The following STAG1 variants were observed in gnomAD, a reference collection of about 807,000 sequenced individuals.
STAG1 encodes STAG1 cohesin complex component.
In STAG1, 26 loss-of-function variants were observed where a neutral mutation model predicts 170.9. The ratio of observed to expected loss-of-function variants is 0.15; its 90% confidence interval spans 0.11 to 0.21. The LOEUF (loss-of-function observed/expected upper bound fraction) is 0.21. STAG1 is among the 10% of genes least tolerant of loss of function. STAG1 has a pLI of 1.00. For missense variants in STAG1, 964 were observed against 1,509.5 expected (o/e 0.64, Z 5.99); for synonymous variants, 514 against 497.7 (o/e 1.03, Z -0.44).
chr3:136,440,744 C>T (rs1285666543), intron 15 of STAG1, among the ~76,000 whole-genome samples: 3 of 152,002 alleles, frequency 2.0e-5, no homozygotes, highest in African/African-American at 2.4e-5. Context: ...AATCTCAGCA[C>T]TTTGGGAGGG....
chr3:136,344,860 C>T (rs1192650436), intron 29 of STAG1, among the ~76,000 whole-genome samples: 1 of 151,678 alleles, frequency 6.6e-6, no homozygotes, highest in African/African-American at 2.4e-5. Flanking sequence ...GTGATCCGCC[C>T]ACCTCGGCCT....
At chr3:136,672,799 C>A (rs899033544) in intron 1 of STAG1, among the ~76,000 whole-genome samples, 1 of 152,082 alleles carries the variant, frequency 6.6e-6, no homozygotes. Context: ...AGGTAAAGTT[C>A]ATATTTTAAA....
intron 27 of STAG1, 29 bp downstream of exon 27, chr3:136,359,105 AAGTAAATCAGATTC>A: frequency 6.7e-7 from 1 of 1,503,354 alleles, no homozygotes; most frequent in Non-Finnish European, 9.0e-7. Flanking sequence ...ATTAAAATTC[AAGTAAATCAGATTC>A]TGCATAACAA....
At chr3:136,624,770 C>A (rs2107832793) in intron 2 of STAG1, among the ~76,000 whole-genome samples, 1 of 152,066 alleles carries the variant, frequency 6.6e-6, no homozygotes, top group East Asian at 1.9e-4. Context: ...CATATTCCTA[C>A]CATAGCCAAT....
At chr3:136,722,962 G>A (rs1231502714) in intron 1 of STAG1, among the ~76,000 whole-genome samples, 5 of 152,212 alleles carry the variant, frequency 3.3e-5, no homozygotes, top group South Asian at 2.1e-4. Flanking sequence ...CCGAGGTGCC[G>A]GGATTGCAGA....
At chr3:136,635,542 G>A (rs760069083) in intron 1 of STAG1, among the ~76,000 whole-genome samples, 6 of 152,122 alleles carry the variant, frequency 3.9e-5, no homozygotes, top group South Asian at 2.1e-4. Flanking sequence ...AAGCTTTTCC[G>A]GTTAAACCAG....
intron 1 of STAG1, among the ~76,000 whole-genome samples, chr3:136,740,205 T>C (rs1934589460): frequency 6.6e-6 from 1 of 152,092 alleles, no homozygotes; most frequent in South Asian, 2.1e-4. Context: ...ATCACACCAC[T>C]GCACTCCAGC....
chr3:136,562,266 CTTTTTT>C (rs879284648), intron 5 of STAG1, among the ~76,000 whole-genome samples: 4 of 137,082 alleles, frequency 2.9e-5, no homozygotes, highest in African/African-American at 1.1e-4. Context: ...ATTTCTTTTT[CTTTTTT>C]TTTTTTAGAC....
intron 1 of STAG1, among the ~76,000 whole-genome samples, chr3:136,678,676 T>C (rs923480520): frequency 6.6e-6 from 1 of 151,666 alleles, no homozygotes; most frequent in African/African-American, 2.4e-5. Context: ...AACTAATGCT[T>C]TTAACACACA....
chr3:136,458,233 T>G (rs1388231028), intron 13 of STAG1, among the ~76,000 whole-genome samples: 1 of 152,196 alleles, frequency 6.6e-6, no homozygotes, highest in Non-Finnish European at 1.5e-5. Context: ...CTGAGCTCAC[T>G]GCAACCTCTG....
intron 3 of STAG1, among the ~76,000 whole-genome samples, chr3:136,618,386 C>A (rs1455630398): frequency 1.3e-5 from 2 of 152,242 alleles, no homozygotes. Context: ...ACCATTGTTC[C>A]ATCTGTAAGG....
intron 6 of STAG1, among the ~76,000 whole-genome samples, chr3:136,525,735 T>C (rs951383643): frequency 6.6e-6 from 1 of 152,240 alleles, no homozygotes; most frequent in Non-Finnish European, 1.5e-5. Flanking sequence ...GGGCATTTAG[T>C]GCTATAAATT....
At chr3:136,409,717 A>G (rs2087573936) in intron 21 of STAG1, among the ~76,000 whole-genome samples, 1 of 152,164 alleles carries the variant, frequency 6.6e-6, no homozygotes, top group Non-Finnish European at 1.5e-5. Flanking sequence ...ATGATGATGT[A>G]TTAAATACTA....
chr3:136,407,305 G>A (rs995344338), intron 21 of STAG1, among the ~76,000 whole-genome samples: 24 of 152,112 alleles, frequency 1.6e-4, no homozygotes, highest in Admixed American at 4.6e-4. Context: ...GATTACAGGC[G>A]TAAGCCACTG....
chr3:136,403,321 C>T (rs1021908861), intron 21 of STAG1, among the ~76,000 whole-genome samples: 28 of 146,252 alleles, frequency 1.9e-4, no homozygotes, highest in African/African-American at 4.8e-4. Flanking sequence ...ATAAGTGGTG[C>T]GCTGCCTTTG....
At chr3:136,637,624 T>C (rs973797826) in intron 1 of STAG1, among the ~76,000 whole-genome samples, 10 of 152,194 alleles carry the variant, frequency 6.6e-5, no homozygotes, top group Admixed American at 2.0e-4. Context: ...TGAGTTCTCA[T>C]ACCACGTATT....
At chr3:136,728,091 G>A (rs769285172) in intron 1 of STAG1, among the ~76,000 whole-genome samples, 3 of 152,016 alleles carry the variant, frequency 2.0e-5, no homozygotes, top group Non-Finnish European at 2.9e-5. Context: ...CCTGGGAGGC[G>A]GAGGTTGCAG....
chr3:136,435,904 G>A (rs543758158), intron 15 of STAG1, among the ~76,000 whole-genome samples: 4 of 151,864 alleles, frequency 2.6e-5, no homozygotes, highest in Non-Finnish European at 5.9e-5. Context: ...CCCTGACCTC[G>A]TGATCCACCC....
At chr3:136,598,514 C>A (rs1428373852) in intron 4 of STAG1, among the ~76,000 whole-genome samples, 2 of 151,962 alleles carry the variant, frequency 1.3e-5, no homozygotes, top group East Asian at 1.9e-4. Context: ...GCAAGCTCCA[C>A]CTCCCGGGTT....
Sources: gnomAD v4.1 joint callset for allele counts (sites outside exome capture counted in the v4.1 genomes callset) on GRCh38, gnomAD v4.1.1 for gene constraint, MANE v1.5 for transcripts, NCBI Gene and HGNC (gene_info 2026-07-23, HGNC 2026-07-21) for gene names.